The following TECPR2 variants were observed in gnomAD, a reference collection of about 807,000 sequenced individuals.
TECPR2 encodes the protein tectonin beta-propeller repeat containing 2.
Under a neutral mutation model 138.1 loss-of-function variants are expected in TECPR2, and 65 were observed. The ratio of observed to expected loss-of-function variants is 0.47; its 90% CI spans 0.39 to 0.58. The LOEUF (loss-of-function observed/expected upper bound fraction) is 0.58, where lower values mean the gene tolerates loss of function less well. Ranked by LOEUF, TECPR2 falls within the 20% of genes least tolerant of loss-of-function variation. The probability of loss-of-function intolerance (pLI) is 0.00; values close to 1 mark genes in which losing one functional copy is unlikely to be tolerated. For synonymous variants in TECPR2, 746 were observed against 749.8 expected (o/e 0.99, Z 0.08); for missense variants, 1,553 against 1,824.5 (o/e 0.85, Z 2.71).
chr14:102,394,537 AG>A (rs1371340401), intron 2 of TECPR2, among the ~76,000 whole-genome samples: 3 of 152,188 alleles, frequency 2.0e-5, no homozygotes, highest in African/African-American at 4.8e-5. Context: ...TGAGAGGTCA[AG>A]GCTGCAGTGA....
At chr14:102,441,514 TAAA>T (rs755321740) in intron 11 of TECPR2, among the ~76,000 whole-genome samples, 5 of 123,518 alleles carry the variant, frequency 4.0e-5, no homozygotes, top group Admixed American at 8.2e-5. Flanking sequence ...CTGTCTCTAC[TAAA>T]AAAAAAAAAA....
intron 17 of TECPR2, among the ~76,000 whole-genome samples, chr14:102,481,729 G>T (rs928870404): frequency 1.3e-5 from 2 of 152,194 alleles, no homozygotes; most frequent in African/African-American, 2.4e-5. Context: ...GTTCCTTTCA[G>T]TTCTTTTCGC....
chr14:102,484,308 A>G (rs1730228218), intron 17 of TECPR2, among the ~76,000 whole-genome samples: 1 of 152,116 alleles, frequency 6.6e-6, no homozygotes, highest in Non-Finnish European at 1.5e-5. Flanking sequence ...GTCTTCTCTC[A>G]TCTCCCTAAG....
rs1887220675 is a variant in TECPR2, at chr14:102,363,047, G to A, written c.-142G>A. On this transcript the variant is annotated 5_prime_UTR_variant, in exon 1 of 20. Coordinates refer to ENST00000359520, the MANE Select transcript of TECPR2 (RefSeq NM_014844.5). Reference sequence around the variant, plus strand: ...AGGGAACAGGCTCCCGGCAGCCCCCGCGGCCCGGAGTCCATCCCGCCTCCT... The same window carrying A: ...AGGGAACAGGCTCCCGGCAGCCCCCACGGCCCGGAGTCCATCCCGCCTCCT... 1.6e-6 allele frequency: 1 copy of A among 626,686 alleles called. No homozygotes were observed. Among genetic ancestry groups the A allele is most frequent in the Non-Finnish European group, 2.6e-6 (1 of 383,632 alleles). The allele number at this position is 626,686 out of a possible 1,614,324, so 38.8% of individuals were successfully genotyped here. A position where few individuals can be genotyped will look rare whatever the true frequency, so the allele number is the denominator to read the frequency against.
intron 2 of TECPR2, among the ~76,000 whole-genome samples, chr14:102,390,185 G>A (rs1239060516): frequency 5.3e-5 from 8 of 152,118 alleles, no homozygotes; most frequent in Non-Finnish European, 1.0e-4. Flanking sequence ...ATGTAGTTTT[G>A]TCTTGTGTAT....
chr14:102,425,284 T>G lies in TECPR2; in HGVS notation c.944T>G (p.Val315Gly). The G allele has an allele frequency of 6.3e-7, 1 of 1,582,696 alleles. No individual in the cohort carries two copies. Among genetic ancestry groups the G allele is most frequent in the South Asian group, 1.2e-5 (1 of 86,738 alleles). Residue 315 changes from valine (V) to glycine (G), a missense_variant, in exon 6 of 20, where the codon GTC becomes GGC. Val to Gly is a moderately radical substitution (Grantham distance 109). Coordinates refer to ENST00000359520, the MANE Select transcript of TECPR2 (RefSeq NM_014844.5). ...NEYSIYLLDT[V>G]NQATVAGLEG... is the part of the protein sequence containing the mutation. ...TATAGTATCTATCTCCTAGACACAGTCAACCAGGTAAGTGAAGGGACGCCA... is the reference window on the plus strand; with the variant it reads ...TATAGTATCTATCTCCTAGACACAGGCAACCAGGTAAGTGAAGGGACGCCA...
intron 13 of TECPR2, among the ~76,000 whole-genome samples, chr14:102,448,404 C>T (rs1332924759): frequency 2.6e-5 from 4 of 152,138 alleles, no homozygotes; most frequent in African/African-American, 7.2e-5. Context: ...GAGCTTCCTG[C>T]AGGGAGGGGT....
intron 8 of TECPR2, among the ~76,000 whole-genome samples, chr14:102,432,514 T>C (rs185156175): frequency 2.0e-5 from 3 of 151,896 alleles, no homozygotes; most frequent in Non-Finnish European, 2.9e-5. Context: ...ACCTCCTGAG[T>C]TCAAGCAATT....
intron 6 of TECPR2, among the ~76,000 whole-genome samples, chr14:102,425,899 A>G (rs1165496004): frequency 6.8e-5 from 8 of 117,022 alleles, no homozygotes; most frequent in South Asian, 2.7e-4. Flanking sequence ...TTTTTTTGAG[A>G]TGGAGTCCTA....
intron 9 of TECPR2, chr14:102,437,059 G>T (rs552140749): frequency 1.0e-6 from 1 of 985,308 alleles, no homozygotes; most frequent in African/African-American, 1.7e-5. Context: ...ATTTTATGGT[G>T]TGTTTTTATT....
intron 6 of TECPR2, among the ~76,000 whole-genome samples, chr14:102,426,434 C>T (rs943652033): frequency 6.6e-6 from 1 of 152,196 alleles, no homozygotes; most frequent in African/African-American, 2.4e-5. Flanking sequence ...GCCTTACCCT[C>T]CCGACTCCTC....
Position 102,434,698 on chromosome 14 carries a change from G to A in TECPR2, c.1881G>A (p.Gly627=). The A allele has an allele frequency of 1.2e-6, 2 of 1,613,496 alleles. No homozygotes were observed. The highest frequency in any genetic ancestry group is 1.7e-6 in the Non-Finnish European group (2 of 1,179,776). Residue 627 remains glycine (G), a synonymous_variant, in exon 9 of 20, where the codon GGG becomes GGA. Coordinates refer to ENST00000359520, the MANE Select transcript of TECPR2 (RefSeq NM_014844.5). ...ACAGCTCTCCTGGGGCGCATGATGG[G>A]GAAGACATCCAACCCATTGGCCCCC... ...EQDSSPGAHD[G]EDIQPIGPQS...
intron 2 of TECPR2, among the ~76,000 whole-genome samples, chr14:102,403,377 C>G (rs1888549704): frequency 6.6e-6 from 1 of 152,048 alleles, no homozygotes; most frequent in African/African-American, 2.4e-5. Context: ...TAGAAACTAC[C>G]CCAACATAAT....
At chr14:102,470,351 A>G (rs367825990) in intron 17 of TECPR2, among the ~76,000 whole-genome samples, 2 of 149,940 alleles carry the variant, frequency 1.3e-5, no homozygotes, top group East Asian at 3.9e-4. Context: ...TCTGTCACCC[A>G]GGCTAGAGGA....
intron 17 of TECPR2, among the ~76,000 whole-genome samples, chr14:102,468,022 T>C (rs1890584837): frequency 6.6e-6 from 1 of 151,906 alleles, no homozygotes; most frequent in African/African-American, 2.4e-5. Flanking sequence ...TTCCATATTT[T>C]TTTAGTAGAG....
chr14:102,373,020 T>C (rs1462425958), intron 1 of TECPR2, among the ~76,000 whole-genome samples: 1 of 152,170 alleles, frequency 6.6e-6, no homozygotes, highest in Non-Finnish European at 1.5e-5. Flanking sequence ...TGTGTATGAG[T>C]ATGTATGTAT....
At chr14:102,441,023 A>G (rs1027097619) in intron 11 of TECPR2, among the ~76,000 whole-genome samples, 1 of 151,812 alleles carries the variant, frequency 6.6e-6, no homozygotes, top group Non-Finnish European at 1.5e-5. Context: ...CCCGGCTCCT[A>G]TATACTTACT....
chr14:102,413,074 C>T (rs1888925556), intron 4 of TECPR2, among the ~76,000 whole-genome samples: 1 of 151,936 alleles, frequency 6.6e-6, no homozygotes, highest in Admixed American at 6.6e-5. Flanking sequence ...CCAGCCTAGG[C>T]CAAGAGCCAG....
intron 2 of TECPR2, among the ~76,000 whole-genome samples, chr14:102,399,192 G>A (rs1396411734): frequency 1.3e-5 from 2 of 152,204 alleles, no homozygotes; most frequent in Non-Finnish European, 2.9e-5. Flanking sequence ...AATCTGGGAG[G>A]CAGAGGTTGC....
Sources: allele counts gnomAD v4.1 joint callset (sites outside exome capture counted in the v4.1 genomes callset), GRCh38; gene constraint gnomAD v4.1.1; transcripts MANE v1.5; gene names NCBI Gene and HGNC (gene_info 2026-07-23, HGNC 2026-07-21).